Variants in ANKRD18A observed in about 807,000 individuals in gnomAD.
ANKRD18A encodes the protein ankyrin repeat domain 18A, also known as ankyrin repeat domain-containing protein 18A.
Under a neutral mutation model 110.6 loss-of-function variants are expected in ANKRD18A, and 72 were observed. That is an observed-to-expected ratio of 0.65 (90% CI 0.54 to 0.79). The LOEUF (loss-of-function observed/expected upper bound fraction) is 0.79. Ranked by LOEUF, ANKRD18A falls within the 30% of genes least tolerant of loss-of-function variation. The pLI is 0.00. For missense variants in ANKRD18A, 934 were observed against 1,163.3 expected (o/e 0.80, Z 2.87); for synonymous variants, 305 against 410.3 (o/e 0.74, Z 3.10).
chr9:38,606,662 A>G (rs1825370842), intron 6 of ANKRD18A, among the ~76,000 whole-genome samples: 1 of 152,216 alleles, frequency 6.6e-6, no homozygotes, highest in East Asian at 1.9e-4. Flanking sequence ...CAGATTTTCA[A>G]CTCCACAGGG....
Position 38,571,607 on chromosome 9 carries a change from T to C in ANKRD18A, c.*438A>G. On this transcript the variant is annotated 3_prime_UTR_variant, in exon 16 of 16. Coordinates refer to ENST00000399703, the MANE Select transcript of ANKRD18A (RefSeq NM_147195.4). ...GTATGGACAAACCTGGCAGATACTC[T>C]TTAAGTCTCCTACTACATATGGTAA... The C allele has an allele frequency of 9.9e-7, 1 of 1,011,572 alleles. No individual in the cohort carries two copies. Among genetic ancestry groups the C allele is most frequent in the East Asian group, 1.0e-4 (1 of 9,784 alleles). 62.7% of individuals were successfully genotyped at this position (1,011,572 alleles called of 1,614,324 possible).
chr9:38,600,487 G>A (rs1825072338), intron 8 of ANKRD18A, among the ~76,000 whole-genome samples: 1 of 152,150 alleles, frequency 6.6e-6, no homozygotes, highest in South Asian at 2.1e-4. Context: ...TATATTCTAA[G>A]CTCCACTAGT....
At chr9:38,604,842 A>G (rs1478524168) in intron 6 of ANKRD18A, 1 of 151,898 alleles carries the variant, frequency 6.6e-6, no homozygotes, top group African/African-American at 2.5e-5. Context: ...AAACTCTACA[A>G]AGTTCACTCA....
At chr9:38,613,402 T>C (rs988049952) in intron 3 of ANKRD18A, among the ~76,000 whole-genome samples, 1 of 152,176 alleles carries the variant, frequency 6.6e-6, no homozygotes, top group African/African-American at 2.4e-5. Flanking sequence ...TGTGAATGTG[T>C]TGCTAAATGA....
At chr9:38,572,786 T>C (rs1823709954) in intron 15 of ANKRD18A, 1 of 177,204 alleles carries the variant, frequency 5.6e-6, no homozygotes, top group African/African-American at 2.3e-5. Context: ...ATCGTTTCAG[T>C]GTGCTGGCTG....
At chr9:38,616,704 C>T (rs1825869224) in intron 1 of ANKRD18A, among the ~76,000 whole-genome samples, 1 of 152,198 alleles carries the variant, frequency 6.6e-6, no homozygotes, top group South Asian at 2.1e-4. Context: ...GAACTTCCCA[C>T]CTCAGCCTTC....
chr9:38,579,019 AG>A (rs1824036598), intron 12 of ANKRD18A, among the ~76,000 whole-genome samples: 1 of 152,248 alleles, frequency 6.6e-6, no homozygotes, highest in African/African-American at 2.4e-5. Context: ...CATAGAATAC[AG>A]CACCCAGAAA....
chr9:38,577,359 A>T lies in ANKRD18A; in HGVS notation c.2530-95T>A, dbSNP rs540400051. The T allele has an allele frequency of 7.6e-5, 95 of 1,254,116 alleles. No homozygotes were observed. In the African/African-American group the frequency reaches 1.2e-3, roughly 16 times the overall value. The allele number at this position is 1,254,116 out of a possible 1,614,324, so 77.7% of individuals were successfully genotyped here. On this transcript the variant is annotated intron_variant, in intron 13 of 15. Transcript: ENST00000399703. ...ATTTTGAATCAGTGATTCGAAGAGC[A>T]ATTTTGAGTATGTTGAAAAGAGGCT...
chr9:38,571,373 AT>A lies in ANKRD18A; in HGVS notation c.*671del. ...AATCATGAGCTTTCCCTTCTCCTTT[AT>A]TTATTGGTTTTATTTCTCCATGTAG... On this transcript the variant is annotated 3_prime_UTR_variant, in exon 16 of 16. Transcript: ENST00000399703. 1.3e-6 allele frequency: 1 copy of A among 759,340 alleles called. No homozygotes were observed. The highest frequency in any genetic ancestry group is 1.9e-6 in the Non-Finnish European group (1 of 540,154). The allele number at this position is 759,340 out of a possible 1,614,324, so 47.0% of individuals were successfully genotyped here.
At chr9:38,600,922 G>T (rs957925930) in intron 8 of ANKRD18A, among the ~76,000 whole-genome samples, 3 of 152,032 alleles carry the variant, frequency 2.0e-5, no homozygotes, top group African/African-American at 7.3e-5. Context: ...CAATTCCAAG[G>T]GTACAGATAG....
intron 12 of ANKRD18A, among the ~76,000 whole-genome samples, chr9:38,585,715 T>G (rs1345505465): frequency 6.6e-6 from 1 of 152,226 alleles, no homozygotes; most frequent in Non-Finnish European, 1.5e-5. Context: ...TATTTGTATG[T>G]TCATTGCAGC....
intron 1 of ANKRD18A, among the ~76,000 whole-genome samples, chr9:38,618,116 A>G (rs1229466658): frequency 6.6e-6 from 1 of 152,210 alleles, no homozygotes; most frequent in Non-Finnish European, 1.5e-5. Flanking sequence ...TCACAATAAT[A>G]ATGATAAAAA....
chr9:38,571,295 A>G (rs1426422062), downstream of ANKRD18A: 5 of 1,318,708 alleles, frequency 3.8e-6, no homozygotes, highest in Non-Finnish European at 4.9e-6. Flanking sequence ...AAAGACATAA[A>G]GTCAGCTTGA....
intron 4 of ANKRD18A, among the ~76,000 whole-genome samples, 181 bp downstream of exon 4, chr9:38,611,034 G>GT (rs1320207932): frequency 6.6e-6 from 1 of 152,054 alleles, no homozygotes. Context: ...ACTATATACT[G>GT]TTTTTTGTGT....
At chr9:38,601,538 TG>T (rs540574232) in intron 7 of ANKRD18A, among the ~76,000 whole-genome samples, 1 of 152,354 alleles carries the variant, frequency 6.6e-6, no homozygotes, top group African/African-American at 2.4e-5. Flanking sequence ...TACTATTCTC[TG>T]CTTCATAATA....
chr9:38,587,550 A>G (rs1163443257), intron 11 of ANKRD18A, among the ~76,000 whole-genome samples: 1 of 152,208 alleles, frequency 6.6e-6, no homozygotes, highest in East Asian at 1.9e-4. Flanking sequence ...TTTCCATGAT[A>G]TGTTTTATAT....
In ANKRD18A at chr9:38,620,235, G is replaced by A; in HGVS notation, c.51C>T (p.Ser17=). ...GACCCGCATACTCTTGGTCCATGGAGCTCAGGAGCGCCTGGCCCAGGCGTC... is the reference window on the plus strand; with the variant it reads ...GACCCGCATACTCTTGGTCCATGGAACTCAGGAGCGCCTGGCCCAGGCGTC... The part of the protein sequence containing the change: ...FGRRLGQALL[S]SMDQEYAGPG... The change falls in exon 1 of 16, where the codon AGC becomes AGT. Residue 17 remains serine (S), a synonymous_variant. Transcript: ENST00000399703. The A allele has an allele frequency of 2.6e-6, 4 of 1,551,498 alleles. No homozygotes were observed. In the South Asian group the frequency reaches 3.6e-5, roughly 14 times the overall value.
At chr9:38,606,092 A>G (rs1384664620) in intron 6 of ANKRD18A, among the ~76,000 whole-genome samples, 3 of 152,232 alleles carry the variant, frequency 2.0e-5, no homozygotes, top group Non-Finnish European at 4.4e-5. Flanking sequence ...CTTCTTGGAA[A>G]GGAATTACTT....
chr9:38,573,414 T>A (rs1823738475), intron 15 of ANKRD18A, among the ~76,000 whole-genome samples: 1 of 152,216 alleles, frequency 6.6e-6, no homozygotes, highest in Non-Finnish European at 1.5e-5. Context: ...TGGTGTTTTA[T>A]TTGTACAAAG....
Sources: allele counts gnomAD v4.1 joint callset (sites outside exome capture counted in the v4.1 genomes callset), GRCh38; gene constraint gnomAD v4.1.1; transcripts MANE v1.5; gene names NCBI Gene and HGNC (gene_info 2026-07-23, HGNC 2026-07-21).